The following MCRIP1 variants were observed in gnomAD, a reference collection of about 807,000 sequenced individuals.
MCRIP1 encodes the protein mapk-regulated corepressor-interacting protein 1.
In MCRIP1, 10 loss-of-function variants were observed where a neutral mutation model predicts 14.4. That is an observed-to-expected ratio of 0.70 (90% CI 0.43 to 1.18). The LOEUF is 1.18. Among genes scored for constraint, MCRIP1 ranks in the 50% most tolerant of loss-of-function variants. The pLI is 0.00. For synonymous variants in MCRIP1, 53 were observed against 55.7 expected, an observed-to-expected ratio of 0.95 and a Z score of 0.21; for missense variants, 119 against 135.4, an observed-to-expected ratio of 0.88 and a Z score of 0.60.
intron 1 of MCRIP1, among the ~76,000 whole-genome samples, chr17:81,828,527 A>T (rs1372588363): frequency 6.6e-6 from 1 of 152,184 alleles, no homozygotes; most frequent in Non-Finnish European, 1.5e-5. Flanking sequence ...AGATGCGTAC[A>T]AGGACAGCTG....
intron 1 of MCRIP1, chr17:81,825,780 G>A: frequency 1.6e-6 from 2 of 1,289,390 alleles, no homozygotes; most frequent in Non-Finnish European, 2.0e-6. Context: ...TGCTCACAAA[G>A]TCACCTCTCC....
chr17:81,823,679 T>A lies in MCRIP1; in HGVS notation c.128-166A>T. The A allele has an allele frequency of 1.6e-6, 1 of 633,872 alleles. No homozygotes were observed. Among genetic ancestry groups the A allele is most frequent in the Middle Eastern group, 4.2e-4 (1 of 2,362 alleles). 39.3% of individuals were successfully genotyped at this position (633,872 alleles called of 1,614,324 possible). A position where few individuals can be genotyped will look rare whatever the true frequency, so the allele number is the denominator to read the frequency against. On this transcript the variant is annotated intron_variant, in intron 3 of 4. Transcript: ENST00000455127. The surrounding 1 kb of genome is among the most constrained non-coding windows in gnomAD (Gnocchi z 6.0). ...TCTGCCCACCCCAGCCTCACTCACCTGCAGACCCCGTCCCCGCTCCTCTGG... is the reference window on the plus strand; with the variant it reads ...TCTGCCCACCCCAGCCTCACTCACCAGCAGACCCCGTCCCCGCTCCTCTGG...
At chr17:81,825,619 A>G in intron 1 of MCRIP1, 1 of 1,289,400 alleles carries the variant, frequency 7.8e-7, no homozygotes, top group Non-Finnish European at 1.0e-6. Flanking sequence ...CCAGCCCTCA[A>G]ACACCACGTG....
intron 1 of MCRIP1, among the ~76,000 whole-genome samples, chr17:81,828,765 C>T (rs112952080): frequency 0.014 from 2,201 of 152,264 alleles, 26 homozygotes; most frequent in South Asian, 0.036. Context: ...TAACTGGAGC[C>T]GGGGCCAGGA....
chr17:81,832,436 G>T (rs987410667), intron 1 of MCRIP1, among the ~76,000 whole-genome samples: 1 of 152,118 alleles, frequency 6.6e-6, no homozygotes, highest in East Asian at 1.9e-4. Flanking sequence ...CCCAAATCCA[G>T]CCCTGTTGGC....
intron 1 of MCRIP1, among the ~76,000 whole-genome samples, chr17:81,830,593 C>A (rs1420303087): frequency 6.6e-6 from 1 of 151,768 alleles, no homozygotes. Context: ...GCCAAGATCA[C>A]GCCATTGCAC....
rs553500646 is a variant in MCRIP1, at chr17:81,830,076, C to G, written c.-49+3162G>C. On this transcript the variant is annotated intron_variant, in intron 1 of 4. Transcript: ENST00000455127. ...TGTGCATTCTGCAGGACGTGACTGC[C>G]TGCTTCCGTGGCCGTCCAGCCTACA... Among the ~76,000 whole-genome samples, 745 of 152,366 alleles carry G rather than the reference C, an allele frequency of 4.9e-3. 7 individuals carry two copies. The highest frequency in any genetic ancestry group is 0.018 in the African/African-American group (734 of 41,584).
intron 1 of MCRIP1, among the ~76,000 whole-genome samples, chr17:81,829,097 G>A (rs758265741): frequency 2.0e-5 from 3 of 152,192 alleles, no homozygotes; most frequent in Non-Finnish European, 4.4e-5. Context: ...GTGAGCAGGG[G>A]ACAATGGCAC....
rs937482208 is a variant in MCRIP1 at position 81,823,560 on chromosome 17, G to C, written c.128-47C>G. ...TGCTCAGGGCCCCCTGCCCCAGGGG[G>C]TGGCATCCACGTCACGAGAGTGCCT... On this transcript the variant is annotated intron_variant, in intron 3 of 4. Transcript: ENST00000455127. This position sits in a 1 kb window ranked among gnomAD's most constrained non-coding sequence, Gnocchi z 6.0. The C allele has an allele frequency of 6.0e-6, 9 of 1,494,476 alleles. No individual in the cohort carries two copies. The Admixed American group carries it at 1.4e-4, about 23-fold the overall frequency. 92.6% of individuals were successfully genotyped at this position (1,494,476 alleles called of 1,614,324 possible).
chr17:81,832,663 G>C (rs1458479534), intron 1 of MCRIP1, among the ~76,000 whole-genome samples: 1 of 152,246 alleles, frequency 6.6e-6, no homozygotes, highest in Non-Finnish European at 1.5e-5. Flanking sequence ...CCCGTGCCCC[G>C]TATGGCTCCC....
intron 1 of MCRIP1, among the ~76,000 whole-genome samples, chr17:81,831,167 G>C (rs2038510210): frequency 2.1e-5 from 2 of 94,038 alleles, no homozygotes; most frequent in Admixed American, 1.1e-4. Flanking sequence ...GCAAGACTCT[G>C]TCTCTCAAAA....
chr17:81,826,521 TCA>T, intron 1 of MCRIP1: 10 of 530,844 alleles, frequency 1.9e-5, no homozygotes, highest in South Asian at 4.8e-5. Context: ...AGACCCTGTG[TCA>T]AAAAAAAAAA....
chr17:81,831,574 T>C (rs2038520973), intron 1 of MCRIP1, among the ~76,000 whole-genome samples: 2 of 152,004 alleles, frequency 1.3e-5, no homozygotes, highest in South Asian at 4.1e-4. Context: ...CAAACACTTG[T>C]CGGGCTAAGG....
intron 1 of MCRIP1, among the ~76,000 whole-genome samples, chr17:81,829,411 G>A (rs1391528820): frequency 4.6e-5 from 7 of 152,218 alleles, no homozygotes; most frequent in South Asian, 4.1e-4. Flanking sequence ...CCTCGGTCCC[G>A]TTTTCCTTCC....
Position 81,823,580 on chromosome 17 carries a change from G to A in MCRIP1, c.128-67C>T. On this transcript the variant is annotated intron_variant, in intron 3 of 4. Coordinates refer to ENST00000455127, the MANE Select transcript of MCRIP1 (RefSeq NM_207368.5). This position sits in a 1 kb window ranked among gnomAD's most constrained non-coding sequence, Gnocchi z 6.0. ...AGGGGGTGGCATCCACGTCACGAGA[G>A]TGCCTGCCCTCAGCTCCTGCCCTCC... The A allele has an allele frequency of 7.5e-7, 1 of 1,329,828 alleles. No individual in the cohort carries two copies. Among genetic ancestry groups the A allele is most frequent in the Non-Finnish European group, 1.0e-6 (1 of 962,714 alleles). 82.4% of individuals were successfully genotyped at this position (1,329,828 alleles called of 1,614,324 possible). A position where few individuals can be genotyped will look rare whatever the true frequency, so the allele number is the denominator to read the frequency against.
rs560969282 is a variant in MCRIP1 at position 81,825,604 on chromosome 17, A to G, written c.-48-1050T>C. The G allele has an allele frequency of 1.1e-5, 14 of 1,289,330 alleles. No individual in the cohort carries two copies. The African/African-American group carries it at 2.1e-4, about 20-fold the overall frequency. The allele number at this position is 1,289,330 out of a possible 1,614,324, so 79.9% of individuals were successfully genotyped here. A position where few individuals can be genotyped will look rare whatever the true frequency, so the allele number is the denominator to read the frequency against. On this transcript the variant is annotated intron_variant, in intron 1 of 4. Coordinates refer to ENST00000455127, the MANE Select transcript of MCRIP1 (RefSeq NM_207368.5). Reference sequence around the variant, plus strand: ...CTCTGGCTCATTCCGCCTCATGTCAATGGTCCAGCCCTCAAACACCACGTG... The same window carrying G: ...CTCTGGCTCATTCCGCCTCATGTCAGTGGTCCAGCCCTCAAACACCACGTG...
Position 81,823,443 on chromosome 17 carries a change from A to C in MCRIP1, c.198T>G (p.Tyr66Ter). 6.5e-7 allele frequency: 1 copy of C among 1,536,382 alleles called. No homozygotes were observed. The highest frequency in any genetic ancestry group is 8.7e-7 in the Non-Finnish European group (1 of 1,146,666). ...GGCTGGGGTTAGGGACCTTCTCCAC[A>C]TACTCCTCCACCAGGCCCCGCTCGC... ...PGGERGLVEEYVEKVPNPSLK... is the reference protein window; with the variant it reads ...PGGERGLVEE The change falls in exon 4 of 5, where the codon TAT becomes TAG. Residue 66 changes from tyrosine (Y) to a stop codon, truncating the protein, a stop_gained. Transcript: ENST00000455127. LOFTEE classifies it high-confidence loss of function. The surrounding 1 kb of genome is among the most constrained non-coding windows in gnomAD (Gnocchi z 6.0).
intron 1 of MCRIP1, among the ~76,000 whole-genome samples, chr17:81,829,617 A>G (rs963794458): frequency 2.0e-5 from 3 of 152,278 alleles, no homozygotes; most frequent in South Asian, 2.1e-4. Context: ...TTATTTCTCA[A>G]TGTACTGTAA....
At chr17:81,829,714 C>T (rs1174804275) in intron 1 of MCRIP1, among the ~76,000 whole-genome samples, 1 of 152,188 alleles carries the variant, frequency 6.6e-6, no homozygotes, top group Non-Finnish European at 1.5e-5. Context: ...CTTCCAGAGC[C>T]CCTCAGGCTA....
Sources: allele counts gnomAD v4.1 joint callset (sites outside exome capture counted in the v4.1 genomes callset), GRCh38; gene constraint gnomAD v4.1.1; non-coding constraint Gnocchi (gnomAD v3.1); transcripts MANE v1.5; gene names NCBI Gene and HGNC (gene_info 2026-07-23, HGNC 2026-07-21).